Variants in PDE4D observed in about 807,000 individuals in gnomAD.
PDE4D encodes the protein 3',5'-cyclic-AMP phosphodiesterase 4D.
In PDE4D, 24 loss-of-function variants were observed where a neutral mutation model predicts 87.4. The ratio of observed to expected loss-of-function variants is 0.27; its 90% CI spans 0.20 to 0.39. The LOEUF is 0.39. Ranked by LOEUF, PDE4D falls within the 10% of genes least tolerant of loss-of-function variation. PDE4D has a pLI of 1.00. For synonymous variants in PDE4D, 384 were observed against 383.2 expected (o/e 1.00, Z -0.02); for missense variants, 714 against 1,041.0 (o/e 0.69, Z 4.32).
intron 1 of PDE4D, among the ~76,000 whole-genome samples, chr5:59,828,529 T>A (rs374071394): frequency 6.6e-6 from 1 of 152,100 alleles, no homozygotes; most frequent in Admixed American, 6.6e-5. Context: ...GGGGATGCTC[T>A]TTCAGATTTG....
intron 1 of PDE4D, among the ~76,000 whole-genome samples, chr5:59,805,503 G>A (rs771904536): frequency 1.2e-4 from 18 of 152,302 alleles, no homozygotes; most frequent in Non-Finnish European, 1.8e-4. Context: ...TTGTGCACCT[G>A]CATTTATGTA....
chr5:59,438,952 G>T (rs960999192), intron 1 of PDE4D, among the ~76,000 whole-genome samples: 2 of 152,174 alleles, frequency 1.3e-5, no homozygotes, highest in African/African-American at 4.8e-5. Context: ...TTGTCTCCTT[G>T]TATTTAAATC....
At chr5:59,214,879 A>G (rs1750882086) in intron 2 of PDE4D, among the ~76,000 whole-genome samples, 1 of 152,218 alleles carries the variant, frequency 6.6e-6, no homozygotes, top group Admixed American at 6.5e-5. Flanking sequence ...GAATAACACT[A>G]GACACTCAGG....
intron 1 of PDE4D, among the ~76,000 whole-genome samples, chr5:59,414,750 C>A (rs1271267738): frequency 1.3e-5 from 2 of 152,136 alleles, no homozygotes; most frequent in African/African-American, 2.4e-5. Context: ...ATAACAACAA[C>A]AAAATAGTCT....
chr5:59,135,710 A>G (rs1776961717), intron 5 of PDE4D, among the ~76,000 whole-genome samples: 1 of 136,386 alleles, frequency 7.3e-6, no homozygotes, highest in Non-Finnish European at 1.6e-5. Flanking sequence ...TATGCAGATG[A>G]TAGGGACATC....
intron 1 of PDE4D, among the ~76,000 whole-genome samples, chr5:60,517,100 C>A (rs1355007127): frequency 6.6e-6 from 1 of 152,236 alleles, no homozygotes; most frequent in Non-Finnish European, 1.5e-5. Context: ...AATTTCAGAG[C>A]AAAGTTAAGT....
intron 5 of PDE4D, among the ~76,000 whole-genome samples, chr5:59,073,507 C>CGGGGGGGGG (rs56301552): frequency 1.0e-4 from 4 of 38,202 alleles, no homozygotes; most frequent in Non-Finnish European, 1.8e-4. Context: ...AAGTGGGGGG[C>CGGGGGGGGG]GGGGGGGGCG....
intron 1 of PDE4D, among the ~76,000 whole-genome samples, chr5:60,471,679 G>C (rs577729021): frequency 6.6e-6 from 1 of 152,126 alleles, no homozygotes; most frequent in African/African-American, 2.4e-5. Flanking sequence ...CTTGCTGCAG[G>C]CTCAGTGATC....
chr5:59,215,549 ATGCGTGTGTG>A (rs1365543693), intron 2 of PDE4D: 41 of 419,602 alleles, frequency 9.8e-5, no homozygotes, highest in African/African-American at 9.7e-4. Flanking sequence ...AAATAAATAC[ATGCGTGTGTG>A]TGTGTGTGTG....
intron 1 of PDE4D, among the ~76,000 whole-genome samples, chr5:59,269,094 C>T (rs776005177): frequency 2.0e-5 from 3 of 151,292 alleles, no homozygotes; most frequent in Admixed American, 6.6e-5. Context: ...GCCTCAGATC[C>T]GTGGGGAAGA....
intron 1 of PDE4D, among the ~76,000 whole-genome samples, chr5:60,494,179 T>C (rs977373908): frequency 1.3e-5 from 2 of 152,190 alleles, no homozygotes; most frequent in African/African-American, 2.4e-5. Context: ...AAGCTTTGCA[T>C]GGGGCCTGGC....
intron 1 of PDE4D, among the ~76,000 whole-genome samples, chr5:59,645,682 C>T (rs770003680): frequency 6.6e-6 from 1 of 152,142 alleles, no homozygotes; most frequent in Non-Finnish European, 1.5e-5. Context: ...GAGCTTCAGG[C>T]ACCACAAGTC....
intron 1 of PDE4D, among the ~76,000 whole-genome samples, chr5:59,691,707 C>A (rs1371814515): frequency 9.7e-6 from 1 of 103,312 alleles, no homozygotes; most frequent in Non-Finnish European, 1.9e-5. Context: ...TACCCTAGAA[C>A]TTAAAGTATA....
intron 1 of PDE4D, among the ~76,000 whole-genome samples, chr5:59,762,870 TATATATATATATATATATATATAG>T (rs1188151680): frequency 1.5e-5 from 2 of 129,778 alleles, no homozygotes; most frequent in Non-Finnish European, 3.3e-5. Flanking sequence ...TATATATATA[TATATATATATATATATATATATAG>T]CTTGCTCTTT....
At chr5:60,282,417 G>A (rs923746742) in intron 1 of PDE4D, among the ~76,000 whole-genome samples, 1 of 151,918 alleles carries the variant, frequency 6.6e-6, no homozygotes, top group Non-Finnish European at 1.5e-5. Context: ...AAGATCCCAA[G>A]GTTTCAGTGA....
At chr5:59,743,450 C>T (rs1759151455) in intron 1 of PDE4D, among the ~76,000 whole-genome samples, 1 of 152,052 alleles carries the variant, frequency 6.6e-6, no homozygotes, top group Admixed American at 6.6e-5. Context: ...CTCAACATTA[C>T]TAATAGAGAG....
intron 2 of PDE4D, among the ~76,000 whole-genome samples, chr5:59,194,655 C>T (rs1382383716): frequency 1.3e-5 from 2 of 151,910 alleles, no homozygotes; most frequent in African/African-American, 4.8e-5. Flanking sequence ...TATTTTACAC[C>T]CCCTTAGTTC....
chr5:59,168,806 G>A (rs1178281512), intron 5 of PDE4D, among the ~76,000 whole-genome samples: 1 of 152,072 alleles, frequency 6.6e-6, no homozygotes, highest in East Asian at 1.9e-4. Flanking sequence ...TTTTAGGAGA[G>A]GACTTGACAT....
chr5:59,593,088 G>A (rs1826137406), intron 1 of PDE4D, among the ~76,000 whole-genome samples: 1 of 151,472 alleles, frequency 6.6e-6, no homozygotes, highest in African/African-American at 2.4e-5. Context: ...GCAATTTACT[G>A]GAATCAAAAT....
Sources: gnomAD v4.1 joint callset for allele counts (sites outside exome capture counted in the v4.1 genomes callset) on GRCh38, gnomAD v4.1.1 for gene constraint, MANE v1.5 for transcripts, NCBI Gene and HGNC (gene_info 2026-07-23, HGNC 2026-07-21) for gene names.